CTTNBP2: variants seen among roughly 807,000 people sequenced by gnomAD.
The protein encoded by CTTNBP2 is cortactin binding protein 2, also known as cortactin-binding protein 2.
A neutral mutation model predicts 156.9 loss-of-function variants in CTTNBP2; 108 were observed. That is an observed-to-expected ratio of 0.69 (90% CI 0.59 to 0.81). The LOEUF (loss-of-function observed/expected upper bound fraction) is 0.81, where lower values mean the gene tolerates loss of function less well. CTTNBP2 is among the 30% of genes least tolerant of loss of function. The probability of loss-of-function intolerance (pLI) is 0.00; values close to 1 mark genes in which losing one functional copy is unlikely to be tolerated. For synonymous variants in CTTNBP2, 767 were observed against 751.8 expected (o/e 1.02, Z -0.33); for missense variants, 1,924 against 2,035.4 (o/e 0.95, Z 1.05).
At chr7:117,821,648 G>T (rs57627307) in intron 2 of CTTNBP2, among the ~76,000 whole-genome samples, 1 of 150,726 alleles carries the variant, frequency 6.6e-6, no homozygotes, top group Admixed American at 6.6e-5. Flanking sequence ...GAGTGCAGTG[G>T]TGCAATCTCG....
At chr7:117,790,888 G>C (rs1798957274) in intron 4 of CTTNBP2, among the ~76,000 whole-genome samples, 1 of 151,758 alleles carries the variant, frequency 6.6e-6, no homozygotes, top group Non-Finnish European at 1.5e-5. Context: ...CTACTTTCAG[G>C]TTATCTTAAA....
chr7:117,763,558 T>C (rs955036916), intron 9 of CTTNBP2, among the ~76,000 whole-genome samples: 46 of 57,172 alleles, frequency 8.0e-4, no homozygotes, highest in Non-Finnish European at 9.5e-4. Context: ...TCTTCTTCTT[T>C]TTTTTTTTTT....
At chr7:117,790,864 T>G (rs1453137870) in intron 4 of CTTNBP2, among the ~76,000 whole-genome samples, 1 of 152,202 alleles carries the variant, frequency 6.6e-6, no homozygotes, top group Admixed American at 6.5e-5. Context: ...ATGGTCTCCA[T>G]GTGCTTTAAG....
chr7:117,780,325 A>G, intron 7 of CTTNBP2, 116 bp downstream of exon 7: 1 of 678,926 alleles, frequency 1.5e-6, no homozygotes, highest in Non-Finnish European at 2.3e-6. Flanking sequence ...CAAATCCTAC[A>G]AGCAAAACAA....
chr7:117,759,117 A>AT (rs201089983), intron 10 of CTTNBP2, among the ~76,000 whole-genome samples: 12 of 150,592 alleles, frequency 8.0e-5, no homozygotes, highest in Admixed American at 2.0e-4. Flanking sequence ...CAATTCTATA[A>AT]TTTTTTTTTT....
intron 2 of CTTNBP2, among the ~76,000 whole-genome samples, chr7:117,860,506 C>A (rs1803653815): frequency 6.6e-6 from 1 of 152,006 alleles, no homozygotes; most frequent in East Asian, 1.9e-4. Flanking sequence ...CCATGCCCGG[C>A]TAATTTTTTG....
chr7:117,775,059 A>G (rs1368863302), intron 8 of CTTNBP2, among the ~76,000 whole-genome samples: 1 of 152,206 alleles, frequency 6.6e-6, no homozygotes, highest in East Asian at 1.9e-4. Flanking sequence ...GGTACAATGA[A>G]ACGACTAATG....
chr7:117,776,219 T>C (rs907113531), intron 8 of CTTNBP2, among the ~76,000 whole-genome samples: 1 of 152,230 alleles, frequency 6.6e-6, no homozygotes, highest in Non-Finnish European at 1.5e-5. Context: ...ATCTAATCCA[T>C]GTTCATTCTG....
intron 11 of CTTNBP2, 137 bp downstream of exon 11, chr7:117,757,738 T>C (rs1796966093): frequency 3.5e-6 from 2 of 573,456 alleles, no homozygotes; most frequent in Non-Finnish European, 6.1e-6. Flanking sequence ...TAAAAACATC[T>C]AATTACCTAG....
chr7:117,728,326 G>T, intron 16 of CTTNBP2, 59 bp from the exon 17 acceptor site: 1 of 1,234,178 alleles, frequency 8.1e-7, no homozygotes, highest in Non-Finnish European at 1.1e-6. Context: ...GTTTTTAGAA[G>T]CCCAAAATTA....
intron 12 of CTTNBP2, 46 bp downstream of exon 12, chr7:117,756,509 G>C: frequency 1.4e-6 from 2 of 1,445,108 alleles, no homozygotes; most frequent in Non-Finnish European, 1.9e-6. Flanking sequence ...ATTTTCCAGT[G>C]GCAGGGATGG....
At chr7:117,821,095 C>T (rs1325714939) in intron 2 of CTTNBP2, among the ~76,000 whole-genome samples, 1 of 152,128 alleles carries the variant, frequency 6.6e-6, no homozygotes, top group Non-Finnish European at 1.5e-5. Context: ...TAATTCTACA[C>T]ATTTTATAAA....
chr7:117,813,977 G>C (rs1275711619), intron 2 of CTTNBP2, among the ~76,000 whole-genome samples: 4 of 152,124 alleles, frequency 2.6e-5, no homozygotes, highest in African/African-American at 9.7e-5. Context: ...TATTTATTAT[G>C]ATGAGTTATC....
chr7:117,843,266 G>A (rs1802383149), intron 2 of CTTNBP2, among the ~76,000 whole-genome samples: 1 of 152,124 alleles, frequency 6.6e-6, no homozygotes, highest in South Asian at 2.1e-4. Context: ...CAGTGTTCTA[G>A]GGGGTCCTGA....
chr7:117,767,329 T>C (rs1008111202), intron 8 of CTTNBP2, 153 bp from the exon 9 acceptor site: 1 of 595,082 alleles, frequency 1.7e-6, no homozygotes, highest in Non-Finnish European at 3.0e-6. Flanking sequence ...TACAGATTAA[T>C]CTTAAACTAA....
At chr7:117,766,942 T>C (rs1797515743) in intron 9 of CTTNBP2, 117 bp downstream of exon 9, 1 of 686,288 alleles carries the variant, frequency 1.5e-6, no homozygotes, top group Non-Finnish European at 2.7e-6. Flanking sequence ...TTGCCATAGC[T>C]AGGGCTCCAA....
rs75843222 is a variant in CTTNBP2, at chr7:117,807,940, G to T, written c.414+2825C>A. On this transcript the variant is annotated intron_variant, in intron 3 of 22. Coordinates refer to ENST00000160373, the MANE Select transcript of CTTNBP2 (RefSeq NM_033427.3). ...CAAATGCCCTTTCTGCCTTCTCAAT[G>T]AACATTGGCTTCACCAGCTCAAAAC... 4.3e-4 allele frequency among the ~76,000 whole-genome samples: 65 copies of T among 152,284 alleles called. 1 individual carries two copies. In the East Asian group the frequency reaches 0.012, roughly 28 times the overall value.
At chr7:117,802,206 C>G (rs6971495) in intron 3 of CTTNBP2, among the ~76,000 whole-genome samples, 41,588 of 151,592 alleles carry the variant, frequency 0.27, 10,635 homozygotes, top group African/African-American at 0.68. Context: ...TGATTCAATA[C>G]AGGAAAATTA....
At chr7:117,800,187 A>C (rs1420633212) in intron 3 of CTTNBP2, among the ~76,000 whole-genome samples, 1 of 151,988 alleles carries the variant, frequency 6.6e-6, no homozygotes, top group African/African-American at 2.4e-5. Flanking sequence ...CTAGCCAAAC[A>C]ATTTAGATAA....
Sources: allele counts gnomAD v4.1 joint callset (sites outside exome capture counted in the v4.1 genomes callset), GRCh38; gene constraint gnomAD v4.1.1; transcripts MANE v1.5; gene names NCBI Gene and HGNC (gene_info 2026-07-23, HGNC 2026-07-21).